Variants in MLXIPL observed in about 807,000 individuals in gnomAD.
MLXIPL encodes MLX interacting protein like.
A neutral mutation model predicts 81.5 loss-of-function variants in MLXIPL; 49 were observed. That is an observed-to-expected ratio of 0.60 (90% CI 0.48 to 0.76). The LOEUF (loss-of-function observed/expected upper bound fraction) is 0.76, where lower values mean the gene tolerates loss of function less well. Among genes scored for constraint, MLXIPL ranks in the 30% least tolerant of loss-of-function variants. The pLI, the probability that MLXIPL is intolerant of heterozygous loss-of-function variation, is 0.00. For synonymous variants in MLXIPL, 466 were observed against 485.5 expected (o/e 0.96, Z 0.53); for missense variants, 1,053 against 1,167.0 (o/e 0.90, Z 1.42).
chr7:73,624,580 G>GC, upstream of MLXIPL: 1 of 1,431,056 alleles, frequency 7.0e-7, no homozygotes, highest in Non-Finnish European at 9.1e-7. Flanking sequence ...ACATAGCCCC[G>GC]CCCCCACACC....
chr7:73,598,237 A>T (rs1554595005), intron 8 of MLXIPL, among the ~76,000 whole-genome samples: 2 of 151,928 alleles, frequency 1.3e-5, no homozygotes, highest in South Asian at 2.1e-4. Context: ...TCTTCCATCC[A>T]TTCACCTACC....
chr7:73,617,433 C>A (rs1796070312), intron 1 of MLXIPL, among the ~76,000 whole-genome samples: 1 of 152,116 alleles, frequency 6.6e-6, no homozygotes, highest in Non-Finnish European at 1.5e-5. Context: ...AAGGTGTGCT[C>A]TTCTCAGGGC....
At chr7:73,646,650 C>A in the MLXIPL span, among the ~76,000 whole-genome samples, 2 of 152,146 alleles carry the variant, frequency 1.3e-5, no homozygotes, top group Non-Finnish European at 2.9e-5. Context: ...TACTACAGCT[C>A]AGACCTCTTC....
chr7:73,643,175 G>A, the MLXIPL span, among the ~76,000 whole-genome samples: 1 of 152,162 alleles, frequency 6.6e-6, no homozygotes, highest in Non-Finnish European at 1.5e-5. Context: ...CCGTTGCTCA[G>A]GGCTGAGGGT....
chr7:73,616,299 G>T, intron 1 of MLXIPL, 122 bp from the exon 2 acceptor site: 1 of 856,632 alleles, frequency 1.2e-6, no homozygotes. Flanking sequence ...CTCCAAATCT[G>T]GCCCCCCAAC....
In MLXIPL at chr7:73,593,794, G is replaced by GA. The variant is rs1794036651; in HGVS notation, c.*70dup. On this transcript the variant is annotated 3_prime_UTR_variant, in exon 17 of 17. Transcript: ENST00000313375. ...GGGCAGGAAGGGAGTGCCCAGAGAT[G>GA]ATCCCTGGAGCCCGTGCCCAGGGAA... 1 of 1,304,062 alleles carries GA rather than the reference G, an allele frequency of 7.7e-7. No individual in the cohort carries two copies. The highest frequency in any genetic ancestry group is 1.1e-6 in the Non-Finnish European group (1 of 898,790). 80.8% of individuals were successfully genotyped at this position (1,304,062 alleles called of 1,614,324 possible). A position where few individuals can be genotyped will look rare whatever the true frequency, so the allele number is the denominator to read the frequency against.
chr7:73,621,400 G>C lies in MLXIPL; in HGVS notation c.293+2800C>G, dbSNP rs536917899. ...AACCTTGCCAGGCCTCTGCAGGCTG[G>C]TCTCTGGGTCAGGCTGGTCCCTGAT... On this transcript the variant is annotated intron_variant, in intron 1 of 16. Coordinates refer to ENST00000313375, the MANE Select transcript of MLXIPL (RefSeq NM_032951.3). Among the ~76,000 whole-genome samples the C allele has an allele frequency of 1.6e-4, 25 of 151,526 alleles. 1 individual carries two copies. The East Asian group carries it at 3.5e-3, about 21-fold the overall frequency.
At chr7:73,641,316 T>C in the MLXIPL span, among the ~76,000 whole-genome samples, 6 of 152,216 alleles carry the variant, frequency 3.9e-5, no homozygotes, top group Admixed American at 1.3e-4. Context: ...TGGGGACCCA[T>C]GGATCACCTC....
chr7:73,642,212 C>T, the MLXIPL span, among the ~76,000 whole-genome samples: 1 of 152,130 alleles, frequency 6.6e-6, no homozygotes, highest in African/African-American at 2.4e-5. Flanking sequence ...GATGCATGGG[C>T]TAGAGTATGG....
At position 73,593,933 on chromosome 7, in the gene MLXIPL, CG is replaced by C; in HGVS notation, c.2490del (p.Asp831ThrfsTer124). 1 of 1,614,054 alleles carries C rather than the reference CG, an allele frequency of 6.2e-7. No homozygotes were observed. The highest frequency in any genetic ancestry group is 2.2e-5 in the East Asian group (1 of 44,882). On this transcript the variant is annotated frameshift_variant, in exon 17 of 17. Coordinates refer to ENST00000313375, the MANE Select transcript of MLXIPL (RefSeq NM_032951.3). LOFTEE classifies it high-confidence loss of function. The part of the protein sequence containing the change: ...RQLGTSTSIL[T>X]DPGRIPEQAT... ...GCTTGCTCAGGGATGCGGCCCGGGT[CG>C]GTCAGGATACTGGTAGATGTGCCCA...
At chr7:73,632,337 G>A in the MLXIPL span, among the ~76,000 whole-genome samples, 1 of 151,924 alleles carries the variant, frequency 6.6e-6, no homozygotes, top group Admixed American at 6.6e-5. Flanking sequence ...TGGTTATATG[G>A]GGATGTTCTC....
rs78655833 is a variant in MLXIPL at position 73,621,450 on chromosome 7, G to A, written c.293+2750C>T. Reference sequence around the variant, plus strand: ...TTCAGGTGGGTCCCTGGTCAAGCTCGCTGTTCTTCCCACCACCTTCTGAAC... The same window carrying A: ...TTCAGGTGGGTCCCTGGTCAAGCTCACTGTTCTTCCCACCACCTTCTGAAC... On this transcript the variant is annotated intron_variant, in intron 1 of 16. Transcript: ENST00000313375. 4.9e-4 allele frequency among the ~76,000 whole-genome samples: 75 copies of A among 151,840 alleles called. No individual in the cohort carries two copies. In the East Asian group the frequency reaches 0.012, roughly 24 times the overall value.
chr7:73,599,693 A>G lies in MLXIPL; in HGVS notation c.904T>C (p.Phe302Leu). The G allele has an allele frequency of 1.2e-6, 2 of 1,604,596 alleles. No individual in the cohort carries two copies. Among genetic ancestry groups the G allele is most frequent in the Non-Finnish European group, 1.7e-6 (2 of 1,175,106 alleles). ...TGTGGGAGGCGGGAGTTGGTAAAGA[A>G]ATCTGTAATTCAGACACACAGGGCA... ...SLDDFMDISD[F>L]FTNSRLPQPP... The change falls in exon 8 of 17, where the codon TTC becomes CTC. Residue 302 changes from phenylalanine (F) to leucine (L), a missense_variant and splice_region_variant. Around this residue, in one of 3 missense-constraint regions of MLXIPL, gnomAD observed 823 missense variants for 933.0 expected, o/e 0.88. Coordinates refer to ENST00000313375, the MANE Select transcript of MLXIPL (RefSeq NM_032951.3).
At chr7:73,594,439 T>A (rs1554592987) in intron 15 of MLXIPL, 36 bp from the exon 16 acceptor site, 1 of 1,599,158 alleles carries the variant, frequency 6.3e-7, no homozygotes, top group Non-Finnish European at 8.5e-7. Context: ...GTGGTCCAGC[T>A]GGTCCCCCCA....
chr7:73,618,384 AC>A (rs1796122970), intron 1 of MLXIPL, among the ~76,000 whole-genome samples: 1 of 152,224 alleles, frequency 6.6e-6, no homozygotes, highest in African/African-American at 2.4e-5. Flanking sequence ...GGCGTGAGCC[AC>A]CGCACCTGGC....
chr7:73,611,790 T>C (rs1262802622), intron 2 of MLXIPL, among the ~76,000 whole-genome samples: 1 of 151,254 alleles, frequency 6.6e-6, no homozygotes, highest in Non-Finnish European at 1.5e-5. Flanking sequence ...CACCCCAGCC[T>C]GGGTGACAGA....
chr7:73,599,888 C>T (rs562079078), intron 7 of MLXIPL, among the ~76,000 whole-genome samples, 193 bp from the exon 8 acceptor site: 2 of 152,052 alleles, frequency 1.3e-5, no homozygotes, highest in East Asian at 3.9e-4. Context: ...AAGCAGCAAC[C>T]GTCTTGGGTG....
chr7:73,610,086 A>T (rs1251194865), intron 2 of MLXIPL: 1 of 152,492 alleles, frequency 6.6e-6, no homozygotes, highest in African/African-American at 2.4e-5. Context: ...CCTCCCTAGG[A>T]TGTCCCAAAA....
chr7:73,620,398 T>G (rs1478635936), intron 1 of MLXIPL, among the ~76,000 whole-genome samples: 2 of 151,610 alleles, frequency 1.3e-5, no homozygotes, highest in Admixed American at 1.3e-4. Context: ...AGCGAGACTC[T>G]GTCTCAACAA....
Sources: allele counts gnomAD v4.1 joint callset (sites outside exome capture counted in the v4.1 genomes callset), GRCh38; gene constraint gnomAD v4.1.1; regional missense constraint gnomAD v4.1.1; transcripts MANE v1.5; gene names NCBI Gene and HGNC (gene_info 2026-07-23, HGNC 2026-07-21).